Variants in DBN1 observed in about 807,000 individuals in gnomAD.
DBN1 encodes the protein drebrin.
DBN1 carries 21 observed loss-of-function variants against 83.5 expected under a neutral mutation model. That is an observed-to-expected ratio of 0.25 (90% CI 0.18 to 0.36). DBN1 has a LOEUF of 0.36. Among genes scored for constraint, DBN1 ranks in the 10% least tolerant of loss-of-function variants. The pLI, the probability that DBN1 is intolerant of heterozygous loss-of-function variation, is 1.00. For synonymous variants in DBN1, 381 were observed against 384.9 expected (o/e 0.99, Z 0.12); for missense variants, 874 against 935.7 (o/e 0.93, Z 0.86).
At position 177,456,868 on chromosome 5, in the gene DBN1, G is replaced by A. The variant is rs756361955; in HGVS notation, c.*565C>T. 118 of 153,826 alleles carry A rather than the reference G, an allele frequency of 7.7e-4. No individual in the cohort carries two copies. The highest frequency in any genetic ancestry group is 1.2e-3 in the Non-Finnish European group (84 of 68,652). The allele number at this position is 153,826 out of a possible 1,614,324, so 9.5% of individuals were successfully genotyped here. ...GGGGTAGCCGAGGGGCCCCAGCTGG[G>A]CCTGCTACTTCCTTTGGGCCAGACA... On this transcript the variant is annotated 3_prime_UTR_variant, in exon 15 of 15. Coordinates refer to ENST00000393565, the MANE Select transcript of DBN1 (RefSeq NM_001363541.2).
intron 8 of DBN1, among the ~76,000 whole-genome samples, chr5:177,463,983 C>A (rs187323527): frequency 1.3e-3 from 190 of 151,120 alleles, no homozygotes; most frequent in African/African-American, 4.3e-3. Flanking sequence ...GGCATGGAGC[C>A]GTGCACCTGT....
At chr5:177,472,544 G>A (rs1757926313) in intron 1 of DBN1, 1 of 650,702 alleles carries the variant, frequency 1.5e-6, no homozygotes, top group Non-Finnish European at 2.1e-6. Context: ...GACAACAGCT[G>A]GGGGGCGGGG....
intron 8 of DBN1, among the ~76,000 whole-genome samples, chr5:177,461,838 C>G (rs1050290647): frequency 6.6e-6 from 1 of 152,188 alleles, no homozygotes; most frequent in African/African-American, 2.4e-5. Flanking sequence ...TGAGCCACAG[C>G]AAGCACTGGC....
At chr5:177,459,826 C>T in intron 10 of DBN1, 86 bp from the exon 11 acceptor site, 1 of 1,359,564 alleles carries the variant, frequency 7.4e-7, no homozygotes, top group African/African-American at 1.5e-5. Flanking sequence ...CTCCCGCCCC[C>T]AGGGCCTGGC....
Position 177,472,886 on chromosome 5 carries a change from C to G in DBN1, c.86+550G>C, listed in dbSNP as rs928103051. 11 of 982,918 alleles carry G rather than the reference C, an allele frequency of 1.1e-5. No individual in the cohort carries two copies. The African/African-American group carries it at 1.7e-4, about 16-fold the overall frequency. The allele number at this position is 982,918 out of a possible 1,614,324, so 60.9% of individuals were successfully genotyped here. A position where few individuals can be genotyped will look rare whatever the true frequency, so the allele number is the denominator to read the frequency against. ...CCCAGGTTTCGGGGGGAGGGCGGCC[C>G]ACTCCGAGAGGCCCCCCGGTGGGCG... On this transcript the variant is annotated intron_variant, in intron 1 of 14. Coordinates refer to ENST00000393565, the MANE Select transcript of DBN1 (RefSeq NM_001363541.2).
At position 177,468,237 on chromosome 5, in the gene DBN1, A is replaced by G. The variant is rs762104363; in HGVS notation, c.143-17T>C. 5.0e-6 allele frequency: 8 copies of G among 1,605,502 alleles called. No individual in the cohort carries two copies. The South Asian group carries it at 8.8e-5, about 18-fold the overall frequency. ...AGCCCCCTTCTAGGGTAATCAGGAG[A>G]GTGTCAGGTCTCTCTGCCTCCTAAA... is the stretch of plus-strand genomic sequence containing the variant. On this transcript the variant is annotated splice_polypyrimidine_tract_variant and intron_variant, in intron 2 of 14. Transcript: ENST00000393565.
chr5:177,460,852 TCA>T, intron 8 of DBN1, 149 bp from the exon 9 acceptor site: 1 of 759,522 alleles, frequency 1.3e-6, no homozygotes, highest in South Asian at 1.8e-5. Context: ...CAATCACGGC[TCA>T]CTGCAGCCTC....
In DBN1 at chr5:177,467,888, C is replaced by T; in HGVS notation, c.256-71G>A. The T allele has an allele frequency of 6.4e-7, 1 of 1,566,840 alleles. No individual in the cohort carries two copies. Among genetic ancestry groups the T allele is most frequent in the Non-Finnish European group, 8.7e-7 (1 of 1,143,972 alleles). ...GCCCTACACGATAGGGTGCATCTTCCCCGGGGTGGGAAGAGGGTGGGCTTC... is the reference window on the plus strand; with the variant it reads ...GCCCTACACGATAGGGTGCATCTTCTCCGGGGTGGGAAGAGGGTGGGCTTC... On this transcript the variant is annotated intron_variant, in intron 3 of 14. Transcript: ENST00000393565. This position sits in a 1 kb window ranked among gnomAD's most constrained non-coding sequence, Gnocchi z 9.1.
Position 177,473,570 on chromosome 5 carries a change from G to T in DBN1, c.-49C>A. Reference sequence around the variant, plus strand: ...CGGACAGACGCGCGGACGGACGGGCGGACGGAGGAGGAGGGAGGGAAAGAG... The same window carrying T: ...CGGACAGACGCGCGGACGGACGGGCTGACGGAGGAGGAGGGAGGGAAAGAG... On this transcript the variant is annotated 5_prime_UTR_variant, in exon 1 of 15. Coordinates refer to ENST00000393565, the MANE Select transcript of DBN1 (RefSeq NM_001363541.2). 7.9e-7 allele frequency: 1 copy of T among 1,264,554 alleles called. No homozygotes were observed. Among genetic ancestry groups the T allele is most frequent in the Non-Finnish European group, 1.0e-6 (1 of 978,790 alleles). The allele number at this position is 1,264,554 out of a possible 1,614,324, so 78.3% of individuals were successfully genotyped here.
chr5:177,470,195 G>A (rs1581737110), intron 1 of DBN1, among the ~76,000 whole-genome samples: 1 of 152,134 alleles, frequency 6.6e-6, no homozygotes, highest in East Asian at 1.9e-4. Context: ...GTTACCCCCA[G>A]CCCCAGCCTG....
In DBN1 at chr5:177,467,309, A is replaced by G; in HGVS notation, c.501T>C (p.Asp167=). 1 of 1,614,106 alleles carries G rather than the reference A, an allele frequency of 6.2e-7. No homozygotes were observed. The highest frequency in any genetic ancestry group is 8.5e-7 in the Non-Finnish European group (1 of 1,179,988). Residue 167 remains aspartate (D), a synonymous_variant, in exon 6 of 15, where the codon GAT becomes GAC. Transcript: ENST00000393565. This position sits in a 1 kb window ranked among gnomAD's most constrained non-coding sequence, Gnocchi z 9.1. ...EPVGTTYQKT[D]AAVEMKRINR... is the part of the protein sequence containing the mutation. Reference sequence around the variant, plus strand: ...TAATCCGCTTCATTTCCACAGCTGCATCCGTCTTCTGGTAGGTGGTGCCCT... The same window carrying G: ...TAATCCGCTTCATTTCCACAGCTGCGTCCGTCTTCTGGTAGGTGGTGCCCT...
At chr5:177,465,877 T>G (rs1333126580) in intron 8 of DBN1, among the ~76,000 whole-genome samples, 3 of 149,712 alleles carry the variant, frequency 2.0e-5, no homozygotes, top group African/African-American at 7.4e-5. Context: ...AAAAAATACA[T>G]GAATCAACTT....
At chr5:177,464,262 AC>A (rs1329750302) in intron 8 of DBN1, among the ~76,000 whole-genome samples, 1 of 151,416 alleles carries the variant, frequency 6.6e-6, no homozygotes, top group Non-Finnish European at 1.5e-5. Flanking sequence ...CCTGACCAAC[AC>A]GGTGAAACCC....
chr5:177,468,565 AG>A lies in DBN1; in HGVS notation c.142+278del, dbSNP rs1757630616. ...TCTGGCTCTGGGGAAGGCGGTGAAT[AG>A]GGCCCTTCCCCCAAAGTGTCCCAGC... On this transcript the variant is annotated intron_variant, in intron 2 of 14. Transcript: ENST00000393565. 1.6e-5 allele frequency: 7 copies of A among 447,448 alleles called. No homozygotes were observed. In the South Asian group the frequency reaches 4.4e-4, roughly 28 times the overall value. The allele number at this position is 447,448 out of a possible 1,614,324, so 27.7% of individuals were successfully genotyped here.
intron 8 of DBN1, among the ~76,000 whole-genome samples, chr5:177,464,154 T>C (rs1032313256): frequency 2.0e-4 from 30 of 150,418 alleles, no homozygotes; most frequent in Admixed American, 4.7e-4. Context: ...AATAAATAAA[T>C]AAACTTTATC....
chr5:177,456,672 C>CAA lies in DBN1; in HGVS notation c.*760_*761insTT, dbSNP rs1756493184. ...GACCCGTTACAGAAGTTTGTGCTTT[C>CAA]CAAAAAAAAAAAAAAAAAAAAAAAA... On this transcript the variant is annotated 3_prime_UTR_variant, in exon 15 of 15. Transcript: ENST00000393565. The CAA allele has an allele frequency of 1.7e-5, 1 of 59,962 alleles. No homozygotes were observed. The highest frequency in any genetic ancestry group is 6.7e-5 in the African/African-American group (1 of 14,964). 3.7% of individuals were successfully genotyped at this position (59,962 alleles called of 1,614,324 possible).
chr5:177,457,176 T>C lies in DBN1; in HGVS notation c.*257A>G. 1.9e-6 allele frequency: 1 copy of C among 525,664 alleles called. No homozygotes were observed. The highest frequency in any genetic ancestry group is 3.4e-6 in the Non-Finnish European group (1 of 293,504). 32.6% of individuals were successfully genotyped at this position (525,664 alleles called of 1,614,324 possible). A position where few individuals can be genotyped will look rare whatever the true frequency, so the allele number is the denominator to read the frequency against. ...CTGGACCAGGGAAGGAGGGGTGGAATTTGCAACAGCGTCTCAACTACCAAC... is the reference window on the plus strand; with the variant it reads ...CTGGACCAGGGAAGGAGGGGTGGAACTTGCAACAGCGTCTCAACTACCAAC... On this transcript the variant is annotated 3_prime_UTR_variant, in exon 15 of 15. Transcript: ENST00000393565.
At chr5:177,471,968 G>C in intron 1 of DBN1, 1 of 751,496 alleles carries the variant, frequency 1.3e-6, no homozygotes, top group Non-Finnish European at 2.0e-6. Context: ...CTCCCCAGGC[G>C]GGGCCTTATC....
At chr5:177,472,419 G>A (rs1298188693) in intron 1 of DBN1, 2 of 1,403,008 alleles carry the variant, frequency 1.4e-6, no homozygotes, top group Non-Finnish European at 1.8e-6. Context: ...GTATTACGGG[G>A]GGGTTAAAGG....
Sources: gnomAD v4.1 joint callset for allele counts (sites outside exome capture counted in the v4.1 genomes callset) on GRCh38, gnomAD v4.1.1 for gene constraint, Gnocchi (gnomAD v3.1) non-coding constraint, MANE v1.5 for transcripts, NCBI Gene and HGNC (gene_info 2026-07-23, HGNC 2026-07-21) for gene names.